GPR160: variants seen among roughly 807,000 people sequenced by gnomAD.
The protein encoded by GPR160 is probable G protein-coupled receptor 160.
A neutral mutation model predicts 2.6 loss-of-function variants in GPR160; 2 were observed. That is an observed-to-expected ratio of 0.77 (90% CI 0.32 to 2.44). The LOEUF is 2.44. Among genes scored for constraint, GPR160 ranks in the 30% most tolerant of loss-of-function variants. The pLI is 0.11. For synonymous variants in GPR160, 130 were observed against 132.2 expected (o/e 0.98, Z 0.12); for missense variants, 351 against 383.6 (o/e 0.91, Z 0.71).
At chr3:170,042,786 C>T (rs1200590753) in intron 2 of GPR160, among the ~76,000 whole-genome samples, 1 of 145,520 alleles carries the variant, frequency 6.9e-6, no homozygotes, top group Non-Finnish European at 1.5e-5. Context: ...ATGTTTGCAC[C>T]ATTGCACACC....
intron 2 of GPR160, among the ~76,000 whole-genome samples, chr3:170,071,979 T>G (rs1712618916): frequency 6.6e-6 from 1 of 152,170 alleles, no homozygotes; most frequent in Non-Finnish European, 1.5e-5. Context: ...TACAATTTGT[T>G]TATCCATTTT....
intron 2 of GPR160, among the ~76,000 whole-genome samples, chr3:170,040,493 A>T (rs1388961799): frequency 6.6e-6 from 1 of 152,210 alleles, no homozygotes; most frequent in East Asian, 1.9e-4. Context: ...GAGTGTGACA[A>T]AGCTGAGCGG....
intron 2 of GPR160, among the ~76,000 whole-genome samples, chr3:170,072,514 T>C (rs557065099): frequency 2.6e-5 from 4 of 152,222 alleles, no homozygotes; most frequent in African/African-American, 9.6e-5. Flanking sequence ...AGAAAAGAGG[T>C]TTATTTGGCT....
chr3:170,054,802 T>C (rs1378375013), intron 2 of GPR160, among the ~76,000 whole-genome samples: 1 of 152,008 alleles, frequency 6.6e-6, no homozygotes, highest in Non-Finnish European at 1.5e-5. Context: ...CTTTTCTTTT[T>C]TTTTTTTTTG....
At chr3:170,060,460 G>C (rs1204454584) in intron 2 of GPR160, among the ~76,000 whole-genome samples, 6 of 152,128 alleles carry the variant, frequency 3.9e-5, no homozygotes, top group Non-Finnish European at 2.9e-5. Context: ...AAGGGAAAAG[G>C]TCCTCTACAA....
At chr3:170,064,435 C>T (rs1158377380) in intron 2 of GPR160, among the ~76,000 whole-genome samples, 4 of 151,728 alleles carry the variant, frequency 2.6e-5, no homozygotes, top group African/African-American at 9.7e-5. Flanking sequence ...CCAAGGTTTT[C>T]ACCTAGACTG....
At chr3:170,078,094 G>A (rs1440763221) in intron 2 of GPR160, 1 of 152,136 alleles carries the variant, frequency 6.6e-6, no homozygotes, top group Non-Finnish European at 1.5e-5. Flanking sequence ...CTCAGTTTGA[G>A]GCCCAATTAA....
intron 2 of GPR160, among the ~76,000 whole-genome samples, chr3:170,072,771 C>A (rs565249580): frequency 2.0e-5 from 3 of 152,224 alleles, no homozygotes; most frequent in African/African-American, 7.2e-5. Flanking sequence ...AGGGATCCAC[C>A]CCCATGACCC....
chr3:170,039,115 G>GTTTAGC (rs372640254), intron 2 of GPR160, 72 bp downstream of exon 2: 12 of 152,228 alleles, frequency 7.9e-5, no homozygotes, highest in African/African-American at 2.9e-4. Flanking sequence ...ATGAACGAGT[G>GTTTAGC]TTTAGCTCTC....
At chr3:170,064,628 T>C (rs958068114) in intron 2 of GPR160, among the ~76,000 whole-genome samples, 4 of 150,936 alleles carry the variant, frequency 2.7e-5, no homozygotes, top group Non-Finnish European at 5.9e-5. Flanking sequence ...AAGCGATTCT[T>C]CTGCCTCAGC....
At chr3:170,045,443 A>AAAAAAAAAAAAC (rs1559981277) in intron 2 of GPR160, among the ~76,000 whole-genome samples, 10 of 131,470 alleles carry the variant, frequency 7.6e-5, no homozygotes, top group African/African-American at 3.4e-4. Flanking sequence ...AAAAAAAAAA[A>AAAAAAAAAAAAC]AAAACCAATT....
At chr3:170,076,680 A>T (rs1055175227) in intron 2 of GPR160, among the ~76,000 whole-genome samples, 2 of 152,050 alleles carry the variant, frequency 1.3e-5, no homozygotes, top group Admixed American at 6.6e-5. Flanking sequence ...AGTAGCTGGG[A>T]TTACAGGCGC....
At chr3:170,057,630 G>A (rs940219747) in intron 2 of GPR160, among the ~76,000 whole-genome samples, 1 of 152,210 alleles carries the variant, frequency 6.6e-6, no homozygotes, top group East Asian at 1.9e-4. Context: ...ACCTAAGAAG[G>A]AAGGCTGGAA....
chr3:170,050,410 AT>A (rs201539055), intron 2 of GPR160, among the ~76,000 whole-genome samples: 4,421 of 134,232 alleles, frequency 0.033, 154 homozygotes, highest in East Asian at 0.13. Context: ...TGCTTAGCTA[AT>A]TTTTTTTTTT....
At chr3:170,078,608 A>G (rs555229348) in intron 2 of GPR160, among the ~76,000 whole-genome samples, 1 of 152,326 alleles carries the variant, frequency 6.6e-6, no homozygotes, top group Non-Finnish European at 1.5e-5. Context: ...AGGCCATGGC[A>G]GACAACTTCC....
At chr3:170,072,962 G>C (rs569138995) in intron 2 of GPR160, among the ~76,000 whole-genome samples, 34 of 152,234 alleles carry the variant, frequency 2.2e-4, no homozygotes, top group African/African-American at 7.7e-4. Context: ...CAGGAGGAAT[G>C]CTTGAAGCCA....
In GPR160 at chr3:170,084,041, T is replaced by C. The variant is rs1197542141; in HGVS notation, c.69T>C (p.Asp23=). 3 of 1,581,230 alleles carry C rather than the reference T, an allele frequency of 1.9e-6. No homozygotes were observed. The highest frequency in any genetic ancestry group is 1.2e-5 in the South Asian group (1 of 85,530). ...YQLRQTNQPL[D]VNYLLFLIIL... ...TACGTCAAACAAACCAGCCCCTAGA[T>C]GTTAACTATCTGCTATTCTTGATCA... is the stretch of plus-strand genomic sequence containing the variant. The change falls in exon 4 of 4, where the codon GAT becomes GAC. Residue 23 remains aspartate (D), a synonymous_variant. Coordinates refer to ENST00000355897, the MANE Select transcript of GPR160 (RefSeq NM_014373.3).
In GPR160 at chr3:170,084,587, T is replaced by C. The variant is rs372137175; in HGVS notation, c.615T>C (p.Thr205=). 1.2e-5 allele frequency: 20 copies of C among 1,613,136 alleles called. No homozygotes were observed. Among genetic ancestry groups the C allele is most frequent in the Non-Finnish European group, 1.7e-5 (20 of 1,179,206 alleles). ...VAFITCWEEV[T]TLVQAIRITS... Reference sequence around the variant, plus strand: ...TCATAACCTGTTGGGAAGAAGTTACTACTTTGGTACAGGCTATCAGGATAA... The same window carrying C: ...TCATAACCTGTTGGGAAGAAGTTACCACTTTGGTACAGGCTATCAGGATAA... Residue 205 remains threonine (T), a synonymous_variant, in exon 4 of 4, where the codon ACT becomes ACC. Coordinates refer to ENST00000355897, the MANE Select transcript of GPR160 (RefSeq NM_014373.3).
At chr3:170,050,114 C>T (rs936425227) in intron 2 of GPR160, among the ~76,000 whole-genome samples, 1 of 151,666 alleles carries the variant, frequency 6.6e-6, no homozygotes, top group Non-Finnish European at 1.5e-5. Context: ...GGCTGGAGTG[C>T]AATGGTGCGT....
Sources: allele counts gnomAD v4.1 joint callset (sites outside exome capture counted in the v4.1 genomes callset), GRCh38; gene constraint gnomAD v4.1.1; transcripts MANE v1.5; gene names NCBI Gene and HGNC (gene_info 2026-07-23, HGNC 2026-07-21).